The following GRIK4 variants were observed in gnomAD, a reference collection of about 807,000 sequenced individuals.
GRIK4 encodes the protein glutamate ionotropic receptor kainate type subunit 4.
A neutral mutation model predicts 104.9 loss-of-function variants in GRIK4; 40 were observed. The observed-to-expected ratio is 0.38, with a 90% CI of 0.30 to 0.50. The LOEUF (loss-of-function observed/expected upper bound fraction) is 0.50. GRIK4 is among the 20% of genes least tolerant of loss of function. The pLI is 0.93. For missense variants in GRIK4, 1,047 were observed against 1,308.1 expected, an observed-to-expected ratio of 0.80 and a Z score of 3.08; for synonymous variants, 485 against 524.9, an observed-to-expected ratio of 0.92 and a Z score of 1.04.
rs1279468040 is a variant in GRIK4 at position 120,988,750 on chromosome 11, CTGTT to C, written c.*2492_*2495del. 2.6e-5 allele frequency: 4 copies of C among 152,036 alleles called. No individual in the cohort carries two copies. Among genetic ancestry groups the C allele is most frequent in the African/African-American group, 9.7e-5 (4 of 41,426 alleles). The allele number at this position is 152,036 out of a possible 1,614,324, so 9.4% of individuals were successfully genotyped here. On this transcript the variant is annotated 3_prime_UTR_variant, in exon 21 of 21. Transcript: ENST00000527524. ...ACTGTATAAAGCAGTTTTTTCTTGT[CTGTT>C]TATCTTTCTTCAACTGGAATATTTA...
chr11:120,954,768 C>CCT (rs1380866274), intron 15 of GRIK4, among the ~76,000 whole-genome samples: 2 of 146,544 alleles, frequency 1.4e-5, no homozygotes, highest in African/African-American at 2.5e-5. Flanking sequence ...AACCATACGG[C>CCT]CTCTCTCTCT....
intron 3 of GRIK4, among the ~76,000 whole-genome samples, chr11:120,664,001 A>G (rs1226684337): frequency 2.6e-5 from 4 of 152,240 alleles, no homozygotes; most frequent in African/African-American, 9.6e-5. Flanking sequence ...TTTTCCCACT[A>G]GACTCTGAAC....
At chr11:120,873,259 G>C (rs1954664450) in intron 9 of GRIK4, 1 of 152,154 alleles carries the variant, frequency 6.6e-6, no homozygotes, top group Admixed American at 6.6e-5. Flanking sequence ...TCTAGTCTTT[G>C]TTCCTGCAGT....
chr11:120,608,709 G>A (rs1021101900), intron 1 of GRIK4, among the ~76,000 whole-genome samples: 3 of 152,212 alleles, frequency 2.0e-5, no homozygotes, highest in East Asian at 1.9e-4. Flanking sequence ...GTCAGGGCTT[G>A]TGTCTCTGCA....
intron 20 of GRIK4, among the ~76,000 whole-genome samples, chr11:120,982,445 T>C (rs773919468): frequency 1.3e-5 from 2 of 152,154 alleles, no homozygotes; most frequent in South Asian, 2.1e-4. Context: ...TTGAGAAAAA[T>C]AGGTGAAAGT....
chr11:120,815,033 A>G (rs1952911626), intron 4 of GRIK4, among the ~76,000 whole-genome samples: 1 of 152,214 alleles, frequency 6.6e-6, no homozygotes, highest in Admixed American at 6.5e-5. Flanking sequence ...CCTGCAGGCC[A>G]GGCCAGGCCG....
At chr11:120,810,065 A>AAAAC (rs1018278260) in intron 4 of GRIK4, among the ~76,000 whole-genome samples, 2 of 152,212 alleles carry the variant, frequency 1.3e-5, no homozygotes, top group Admixed American at 6.5e-5. Flanking sequence ...ACACTGTCTC[A>AAAAC]AAACAAACAA....
In GRIK4 at chr11:120,634,086, A is replaced by C. The variant is rs193227762; in HGVS notation, c.-158-19599A>C. Among the ~76,000 whole-genome samples the C allele has an allele frequency of 4.3e-3, 662 of 152,314 alleles. 4 individuals are homozygous for C. Among genetic ancestry groups the C allele is most frequent in the South Asian group, 0.012 (57 of 4,804 alleles). On this transcript the variant is annotated intron_variant, in intron 1 of 20. Coordinates refer to ENST00000527524, the MANE Select transcript of GRIK4 (RefSeq NM_014619.5). ...CTGCACCTTTCTGAACCTCATTTCTAAAATGGGGCTCTTTAGACCTGCCTT... is the reference window on the plus strand; with the variant it reads ...CTGCACCTTTCTGAACCTCATTTCTCAAATGGGGCTCTTTAGACCTGCCTT...
chr11:120,579,960 A>G (rs1029006290), intron 1 of GRIK4, among the ~76,000 whole-genome samples: 3 of 152,144 alleles, frequency 2.0e-5, no homozygotes, highest in African/African-American at 4.8e-5. Context: ...TGTCATATAA[A>G]TAGAATCACA....
At chr11:120,557,284 A>C (rs1948196901) in intron 1 of GRIK4, among the ~76,000 whole-genome samples, 1 of 152,096 alleles carries the variant, frequency 6.6e-6, no homozygotes, top group Non-Finnish European at 1.5e-5. Context: ...CTCTGCCTGC[A>C]GTCTTTCTGC....
chr11:120,978,626 C>T (rs947961213), intron 19 of GRIK4, among the ~76,000 whole-genome samples: 1 of 152,068 alleles, frequency 6.6e-6, no homozygotes, highest in Non-Finnish European at 1.5e-5. Context: ...AAGGCTACTG[C>T]AATAGTCCAA....
chr11:120,589,692 C>T (rs1451736960), intron 1 of GRIK4, among the ~76,000 whole-genome samples: 1 of 152,170 alleles, frequency 6.6e-6, no homozygotes, highest in African/African-American at 2.4e-5. Context: ...CTCCCCGAAC[C>T]CTCAGGTCTC....
At chr11:120,709,852 G>A (rs945796116) in intron 3 of GRIK4, among the ~76,000 whole-genome samples, 14 of 152,114 alleles carry the variant, frequency 9.2e-5, no homozygotes, top group Non-Finnish European at 1.9e-4. Flanking sequence ...TAAAATGGCC[G>A]GGATGCTCTC....
chr11:120,763,892 A>G (rs1468745585), intron 3 of GRIK4, among the ~76,000 whole-genome samples: 5 of 152,198 alleles, frequency 3.3e-5, no homozygotes, highest in South Asian at 2.1e-4. Context: ...AATAAGTGCT[A>G]TGTGGTACTG....
rs926107264 is a variant in GRIK4, at chr11:120,513,114, A to G, written c.-159+1227A>G. On this transcript the variant is annotated intron_variant, in intron 1 of 20. Coordinates refer to ENST00000527524, the MANE Select transcript of GRIK4 (RefSeq NM_014619.5). The surrounding 1 kb of genome is among the most constrained non-coding windows in gnomAD (Gnocchi z 4.5). ...TCCCAAGGGTCTGGGTTGTCTGGGA[A>G]GAGGAGGGGAGCTCTGAGCACAGCT... 6.6e-6 allele frequency among the ~76,000 whole-genome samples: 1 copy of G among 151,894 alleles called. No individual in the cohort carries two copies. Among genetic ancestry groups the G allele is most frequent in the Non-Finnish European group, 1.5e-5 (1 of 67,962 alleles).
At chr11:120,629,288 A>C (rs939584166) in intron 1 of GRIK4, among the ~76,000 whole-genome samples, 2 of 152,172 alleles carry the variant, frequency 1.3e-5, no homozygotes, top group African/African-American at 4.8e-5. Context: ...TTCCCTTCCT[A>C]TGTGAGCTTC....
At chr11:120,843,861 G>T (rs1267072234) in intron 8 of GRIK4, among the ~76,000 whole-genome samples, 1 of 152,156 alleles carries the variant, frequency 6.6e-6, no homozygotes, top group Non-Finnish European at 1.5e-5. Flanking sequence ...GCCCCATCAG[G>T]TTGGGGAGTT....
rs112467423 is a variant in GRIK4 at position 120,660,373 on chromosome 11, G to T, written c.55G>T (p.Ala19Ser). The T allele has an allele frequency of 6.2e-7, 1 of 1,613,042 alleles. No individual in the cohort carries two copies. Among genetic ancestry groups the T allele is most frequent in the Non-Finnish European group, 8.5e-7 (1 of 1,179,888 alleles). Residue 19 changes from alanine to serine, a missense_variant, in exon 3 of 21, where the codon GCC (alanine) becomes TCC (serine). This residue lies in a region of GRIK4 where 447 missense variants were observed against 514.9 expected (regional missense o/e 0.87). Coordinates refer to ENST00000527524, the MANE Select transcript of GRIK4 (RefSeq NM_014619.5). ...GCTTCCTGCGTGGCTCGTGATGGTC[G>T]CCTGCAGCCCGCACTCCTTGAGGAT... is the stretch of plus-strand genomic sequence containing the variant. ...VLLPAWLVMV[A>S]CSPHSLRIAA...
intron 11 of GRIK4, among the ~76,000 whole-genome samples, chr11:120,888,786 C>T (rs150258344): frequency 2.6e-5 from 4 of 152,300 alleles, no homozygotes; most frequent in East Asian, 3.9e-4. Context: ...ATGTGCATTA[C>T]ACCCTGATCT....
Sources: gnomAD v4.1 joint callset for allele counts (sites outside exome capture counted in the v4.1 genomes callset) on GRCh38, gnomAD v4.1.1 for gene constraint, gnomAD v4.1.1 regional missense constraint, Gnocchi (gnomAD v3.1) non-coding constraint, MANE v1.5 for transcripts, NCBI Gene and HGNC (gene_info 2026-07-23, HGNC 2026-07-21) for gene names.